FGGY: variants seen among roughly 807,000 people sequenced by gnomAD.
FGGY encodes the protein FGGY carbohydrate kinase domain-containing protein.
Under a neutral mutation model 71.3 loss-of-function variants are expected in FGGY, and 72 were observed. The ratio of observed to expected loss-of-function variants is 1.01; its 90% CI spans 0.84 to 1.23. The LOEUF (loss-of-function observed/expected upper bound fraction) is 1.23, where lower values mean the gene tolerates loss of function less well. FGGY is among the 50% of genes most tolerant of loss of function. The pLI is 0.00. For synonymous variants in FGGY, 251 were observed against 250.3 expected (o/e 1.00, Z -0.02); for missense variants, 668 against 682.3 (o/e 0.98, Z 0.23).
At chr1:59,338,552 C>A (rs2050045867) in intron 2 of FGGY, among the ~76,000 whole-genome samples, 1 of 151,960 alleles carries the variant, frequency 6.6e-6, no homozygotes, top group South Asian at 2.1e-4. Flanking sequence ...ATGGCTTTGG[C>A]CAATTTCCAT....
At chr1:59,418,808 A>T (rs1327644330) in intron 5 of FGGY, among the ~76,000 whole-genome samples, 2 of 152,080 alleles carry the variant, frequency 1.3e-5, no homozygotes, top group Non-Finnish European at 2.9e-5. Context: ...TTTTCCTTTC[A>T]CACAACTTTG....
intron 5 of FGGY, among the ~76,000 whole-genome samples, chr1:59,392,766 C>T (rs1447811151): frequency 6.6e-6 from 1 of 151,896 alleles, no homozygotes; most frequent in African/African-American, 2.4e-5. Context: ...TCCTTCTTCT[C>T]TGTAAATTAT....
At chr1:59,723,949 G>A (rs1293483451) in intron 14 of FGGY, among the ~76,000 whole-genome samples, 1 of 151,680 alleles carries the variant, frequency 6.6e-6, no homozygotes, top group Non-Finnish European at 1.5e-5. Context: ...GATCACATGA[G>A]GTCAGGAGTT....
intron 8 of FGGY, among the ~76,000 whole-genome samples, chr1:59,587,258 G>A (rs987975654): frequency 2.0e-5 from 3 of 152,122 alleles, no homozygotes; most frequent in Admixed American, 6.5e-5. Context: ...GCCCGCCATT[G>A]CCCAGGCTTG....
intron 14 of FGGY, among the ~76,000 whole-genome samples, chr1:59,700,948 CA>C (rs2097704435): frequency 6.6e-6 from 1 of 151,820 alleles, no homozygotes. Flanking sequence ...TGAAGGAAAG[CA>C]AAAAAAGCAG....
chr1:59,378,522 G>T (rs1489405928), intron 4 of FGGY, among the ~76,000 whole-genome samples: 1 of 151,914 alleles, frequency 6.6e-6, no homozygotes, highest in African/African-American at 2.4e-5. Flanking sequence ...GGCAAAGAGG[G>T]TTTTAAGGGA....
intron 14 of FGGY, among the ~76,000 whole-genome samples, chr1:59,723,662 G>C (rs931096529): frequency 6.6e-6 from 1 of 151,874 alleles, no homozygotes; most frequent in Non-Finnish European, 1.5e-5. Flanking sequence ...ACCACACAGA[G>C]TGAGATCGTT....
intron 14 of FGGY, among the ~76,000 whole-genome samples, chr1:59,750,879 G>A (rs1056045646): frequency 3.3e-5 from 5 of 150,308 alleles, no homozygotes; most frequent in African/African-American, 9.8e-5. Context: ...GCAGATTCCT[G>A]TATTTTAGAG....
chr1:59,542,473 T>G (rs966719675), intron 7 of FGGY, among the ~76,000 whole-genome samples: 2 of 132,492 alleles, frequency 1.5e-5, no homozygotes, highest in African/African-American at 6.8e-5. Context: ...TTTTTTTTTT[T>G]TTTGAGATGG....
chr1:59,439,737 T>C (rs1181534015), intron 5 of FGGY, among the ~76,000 whole-genome samples: 2 of 152,210 alleles, frequency 1.3e-5, no homozygotes, highest in Non-Finnish European at 2.9e-5. Flanking sequence ...GGTTATTCCA[T>C]TATTCCATAT....
At chr1:59,419,294 T>TA (rs200030234) in intron 5 of FGGY, among the ~76,000 whole-genome samples, 4,937 of 152,132 alleles carry the variant, frequency 0.032, 261 homozygotes, top group African/African-American at 0.11. Context: ...AGGCTAGAGG[T>TA]AAAAAAATAC....
In FGGY at chr1:59,750,301, AT is replaced by A. The variant is rs558258364; in HGVS notation, c.1513-7621del. Among the ~76,000 whole-genome samples, 448 of 151,810 alleles carry A rather than the reference AT, an allele frequency of 3.0e-3. 3 individuals carry two copies. Among genetic ancestry groups the A allele is most frequent in the African/African-American group, 0.01 (433 of 41,410 alleles). On this transcript the variant is annotated intron_variant, in intron 14 of 15. Coordinates refer to ENST00000303721, the MANE Select transcript of FGGY (RefSeq NM_018291.5). ...AAATTAGAGGACTGGGCGTCTAAAA[AT>A]TTTTTTTTCTCTTGGTAGGCATTTT...
At chr1:59,486,227 A>G (rs969328516) in intron 6 of FGGY, among the ~76,000 whole-genome samples, 1 of 152,188 alleles carries the variant, frequency 6.6e-6, no homozygotes, top group Non-Finnish European at 1.5e-5. Flanking sequence ...TGAACACTTA[A>G]GAAGAGCCAA....
chr1:59,759,577 G>A (rs2098325099), intron 15 of FGGY, among the ~76,000 whole-genome samples: 1 of 152,230 alleles, frequency 6.6e-6, no homozygotes, highest in Admixed American at 6.5e-5. Flanking sequence ...GCTGCTTGCT[G>A]GGAGCTGGCA....
chr1:59,421,189 CAT>C (rs1205168243), intron 5 of FGGY, among the ~76,000 whole-genome samples: 1 of 152,100 alleles, frequency 6.6e-6, no homozygotes, highest in Non-Finnish European at 1.5e-5. Flanking sequence ...AGACAGGAGA[CAT>C]ATGGAACACT....
intron 5 of FGGY, among the ~76,000 whole-genome samples, chr1:59,444,330 A>G (rs190945737): frequency 1.3e-5 from 2 of 152,280 alleles, no homozygotes; most frequent in African/African-American, 4.8e-5. Context: ...TACATAGCAA[A>G]GTTTCCATAC....
chr1:59,525,673 C>G (rs1348009326), intron 7 of FGGY, among the ~76,000 whole-genome samples: 1 of 152,194 alleles, frequency 6.6e-6, no homozygotes, highest in Non-Finnish European at 1.5e-5. Context: ...CGTCTTCCTT[C>G]TGTGTGTCAG....
At chr1:59,544,414 C>T (rs1320673079) in intron 7 of FGGY, among the ~76,000 whole-genome samples, 1 of 152,122 alleles carries the variant, frequency 6.6e-6, no homozygotes, top group Non-Finnish European at 1.5e-5. Flanking sequence ...ATGGTGCTTT[C>T]CTTTGAGTAC....
intron 6 of FGGY, among the ~76,000 whole-genome samples, chr1:59,487,155 C>T (rs945983812): frequency 2.0e-5 from 3 of 152,018 alleles, no homozygotes; most frequent in Admixed American, 1.3e-4. Flanking sequence ...AAATAGAAAC[C>T]GAAGCCAACC....
Sources: gnomAD v4.1 joint callset for allele counts (sites outside exome capture counted in the v4.1 genomes callset) on GRCh38, gnomAD v4.1.1 for gene constraint, MANE v1.5 for transcripts, NCBI Gene and HGNC (gene_info 2026-07-23, HGNC 2026-07-21) for gene names.